The following DOCK3 variants were observed in gnomAD, a reference collection of about 807,000 sequenced individuals.
DOCK3 encodes the protein dedicator of cytokinesis protein 3.
A neutral mutation model predicts 265.6 loss-of-function variants in DOCK3; 60 were observed. The ratio of observed to expected loss-of-function variants is 0.23; its 90% confidence interval spans 0.18 to 0.28. The LOEUF is 0.28. Ranked by LOEUF, DOCK3 falls within the 10% of genes least tolerant of loss-of-function variation. The pLI is 1.00. For missense variants in DOCK3, 1,981 were observed against 2,594.3 expected, an observed-to-expected ratio of 0.76 and a Z score of 5.14; for synonymous variants, 881 against 938.0, an observed-to-expected ratio of 0.94 and a Z score of 1.11.
At chr3:51,244,557 T>G (rs1401150998) in intron 21 of DOCK3, among the ~76,000 whole-genome samples, 1 of 152,228 alleles carries the variant, frequency 6.6e-6, no homozygotes, top group African/African-American at 2.4e-5. Context: ...CTGAATTTAT[T>G]TATTAGTTCT....
chr3:51,291,892 A>T (rs923681235), intron 27 of DOCK3, among the ~76,000 whole-genome samples: 1 of 152,234 alleles, frequency 6.6e-6, no homozygotes, highest in African/African-American at 2.4e-5. Flanking sequence ...TAAAAGGATT[A>T]TTCACCATGA....
At position 51,335,902 on chromosome 3, in the gene DOCK3, G is replaced by A. The variant is rs537558798; in HGVS notation, c.3612-2457G>A. On this transcript the variant is annotated intron_variant, in intron 35 of 52. Coordinates refer to ENST00000266037, the MANE Select transcript of DOCK3 (RefSeq NM_004947.5). ...AGCTACTTTGGAGGCTGAGGTGGGCGAATCACTTTAGCCGGGGAGGTCGAG... is the reference window on the plus strand; with the variant it reads ...AGCTACTTTGGAGGCTGAGGTGGGCAAATCACTTTAGCCGGGGAGGTCGAG... Among the ~76,000 whole-genome samples the A allele has an allele frequency of 1.4e-4, 21 of 151,412 alleles. No individual in the cohort carries two copies. In the South Asian group the frequency reaches 2.5e-3, roughly 18 times the overall value.
intron 22 of DOCK3, among the ~76,000 whole-genome samples, chr3:51,258,411 A>G (rs2079665353): frequency 1.3e-5 from 2 of 152,042 alleles, no homozygotes; most frequent in South Asian, 4.1e-4. Flanking sequence ...CAACAAGTTC[A>G]TTTTCTACTT....
intron 12 of DOCK3, among the ~76,000 whole-genome samples, chr3:51,190,117 A>C (rs1207349815): frequency 6.6e-6 from 1 of 152,156 alleles, no homozygotes; most frequent in Non-Finnish European, 1.5e-5. Flanking sequence ...CCACCATTGG[A>C]AAGATCTGAG....
At chr3:51,008,298 A>C (rs1015454201) in intron 5 of DOCK3, among the ~76,000 whole-genome samples, 73 of 152,134 alleles carry the variant, frequency 4.8e-4, no homozygotes, top group African/African-American at 1.7e-3. Context: ...CTTTTATTTC[A>C]TTGAGCAGTG....
intron 5 of DOCK3, among the ~76,000 whole-genome samples, chr3:50,947,742 G>A (rs960661495): frequency 6.6e-6 from 1 of 151,956 alleles, no homozygotes; most frequent in African/African-American, 2.4e-5. Flanking sequence ...ATAAATAGAG[G>A]AGATATGTCA....
intron 5 of DOCK3, among the ~76,000 whole-genome samples, chr3:51,063,681 A>C (rs1255179990): frequency 6.6e-6 from 1 of 152,246 alleles, no homozygotes; most frequent in Non-Finnish European, 1.5e-5. Context: ...AGCAAATAGG[A>C]CTTGAGTTTT....
chr3:50,893,177 G>A, intron 4 of DOCK3: 2 of 211,030 alleles, frequency 9.5e-6, no homozygotes, highest in South Asian at 5.5e-5. Flanking sequence ...CAAATGTGCA[G>A]GCCCCAAAGC....
chr3:51,069,628 C>G (rs2081767784), intron 6 of DOCK3, among the ~76,000 whole-genome samples: 1 of 150,884 alleles, frequency 6.6e-6, no homozygotes, highest in South Asian at 2.1e-4. Flanking sequence ...TTTATTCTTT[C>G]TTTCTCTCCG....
At chr3:51,245,914 G>A (rs536223511) in intron 21 of DOCK3, among the ~76,000 whole-genome samples, 2 of 152,180 alleles carry the variant, frequency 1.3e-5, no homozygotes, top group African/African-American at 2.4e-5. Flanking sequence ...TGACACAGGG[G>A]ATTAAATAAC....
chr3:51,357,738 C>T lies in DOCK3; in HGVS notation c.4684-20C>T. 1 of 1,613,524 alleles carries T rather than the reference C, an allele frequency of 6.2e-7. No homozygotes were observed. Among genetic ancestry groups the T allele is most frequent in the South Asian group, 1.1e-5 (1 of 91,076 alleles). On this transcript the variant is annotated intron_variant, in intron 44 of 52. Coordinates refer to ENST00000266037, the MANE Select transcript of DOCK3 (RefSeq NM_004947.5). ...GTAGTCCTGGGAAGAGTCTTCCTGACTTGGCCTTTCCTTTCACAGGCCTTC... is the reference window on the plus strand; with the variant it reads ...GTAGTCCTGGGAAGAGTCTTCCTGATTTGGCCTTTCCTTTCACAGGCCTTC...
At chr3:51,261,114 A>G (rs2079825895) in intron 23 of DOCK3, among the ~76,000 whole-genome samples, 1 of 152,176 alleles carries the variant, frequency 6.6e-6, no homozygotes, top group Admixed American at 6.5e-5. Flanking sequence ...AATTAGGATC[A>G]GAGGGCTGGC....
intron 5 of DOCK3, among the ~76,000 whole-genome samples, chr3:50,993,922 C>T (rs2078193550): frequency 6.6e-6 from 1 of 152,114 alleles, no homozygotes; most frequent in South Asian, 2.1e-4. Context: ...GCCTCCCAAC[C>T]ACAGGGCCTT....
At chr3:50,838,789 G>A (rs926071861) in intron 2 of DOCK3, among the ~76,000 whole-genome samples, 5 of 152,002 alleles carry the variant, frequency 3.3e-5, no homozygotes, top group African/African-American at 1.2e-4. Flanking sequence ...AACTTTTTTG[G>A]TTCATATGTA....
chr3:50,741,250 ATCTGTTTCAGTC>A (rs1292546814), intron 1 of DOCK3, among the ~76,000 whole-genome samples: 6 of 136,226 alleles, frequency 4.4e-5, no homozygotes, highest in Non-Finnish European at 9.2e-5. Flanking sequence ...ATGTACAAGT[ATCTGTTTCAGTC>A]TCTGTTTTTT....
At chr3:50,896,103 TC>T (rs1415379356) in intron 4 of DOCK3, among the ~76,000 whole-genome samples, 1 of 152,192 alleles carries the variant, frequency 6.6e-6, no homozygotes, top group African/African-American at 2.4e-5. Flanking sequence ...CACACTGTCT[TC>T]CACAATGGTT....
intron 9 of DOCK3, among the ~76,000 whole-genome samples, chr3:51,121,044 A>T (rs1403024745): frequency 1.3e-5 from 2 of 152,130 alleles, no homozygotes; most frequent in Non-Finnish European, 2.9e-5. Flanking sequence ...AAACAAACAA[A>T]AAAACTCCTG....
At chr3:50,729,824 A>ATTTTTTTT (rs60842906) in intron 1 of DOCK3, among the ~76,000 whole-genome samples, 4 of 109,058 alleles carry the variant, frequency 3.7e-5, no homozygotes, top group Non-Finnish European at 7.6e-5. Flanking sequence ...TCTGAATTTC[A>ATTTTTTTT]TTTTTTTTTT....
intron 1 of DOCK3, among the ~76,000 whole-genome samples, chr3:50,756,388 C>T (rs563324641): frequency 1.5e-4 from 23 of 152,070 alleles, no homozygotes; most frequent in Admixed American, 9.2e-4. Context: ...ATTCTGGGAG[C>T]GGGGAGCGGG....
Sources: gnomAD v4.1 joint callset for allele counts (sites outside exome capture counted in the v4.1 genomes callset) on GRCh38, gnomAD v4.1.1 for gene constraint, MANE v1.5 for transcripts, NCBI Gene and HGNC (gene_info 2026-07-23, HGNC 2026-07-21) for gene names.